The following LANCL2 variants were observed in gnomAD, a reference collection of about 807,000 sequenced individuals.
LANCL2 encodes the protein lanC-like protein 2.
In LANCL2, 33 loss-of-function variants were observed where a neutral mutation model predicts 56.9. The ratio of observed to expected loss-of-function variants is 0.58; its 90% CI spans 0.44 to 0.78. The LOEUF (loss-of-function observed/expected upper bound fraction) is 0.78, where lower values mean the gene tolerates loss of function less well. Among genes scored for constraint, LANCL2 ranks in the 30% least tolerant of loss-of-function variants. The pLI is 0.00. For synonymous variants in LANCL2, 233 were observed against 228.2 expected, an observed-to-expected ratio of 1.02 and a Z score of -0.19; for missense variants, 562 against 580.2, an observed-to-expected ratio of 0.97 and a Z score of 0.32.
chr7:55,371,540 T>G (rs918345211), intron 1 of LANCL2, among the ~76,000 whole-genome samples: 1 of 152,226 alleles, frequency 6.6e-6, no homozygotes, highest in Non-Finnish European at 1.5e-5. Context: ...TAATTTGATA[T>G]AGTAATATTT....
At chr7:55,420,532 T>G (rs1056308940) in intron 6 of LANCL2, among the ~76,000 whole-genome samples, 1 of 152,252 alleles carries the variant, frequency 6.6e-6, no homozygotes, top group Non-Finnish European at 1.5e-5. Flanking sequence ...TCAGGCATAG[T>G]GTGCTAGAAA....
At chr7:55,402,974 G>C (rs1297613009) in intron 5 of LANCL2, among the ~76,000 whole-genome samples, 1 of 150,622 alleles carries the variant, frequency 6.6e-6, no homozygotes. Flanking sequence ...CAGGCAGAGA[G>C]GCTCCTCACA....
chr7:55,370,911 T>C (rs913469397), intron 1 of LANCL2, among the ~76,000 whole-genome samples: 1 of 152,224 alleles, frequency 6.6e-6, no homozygotes, highest in African/African-American at 2.4e-5. Context: ...TTTAAAATTG[T>C]ATATTTAAGG....
intron 3 of LANCL2, among the ~76,000 whole-genome samples, chr7:55,399,004 T>G (rs1583753281): frequency 6.6e-6 from 1 of 152,338 alleles, no homozygotes; most frequent in East Asian, 1.9e-4. Context: ...GAATGTAAGC[T>G]TTTATTGCAC....
intron 2 of LANCL2, chr7:55,397,315 G>A (rs907663571): frequency 2.0e-5 from 3 of 152,034 alleles, no homozygotes; most frequent in African/African-American, 7.2e-5. Flanking sequence ...ACAAAAAATA[G>A]CCAGGCATGG....
chr7:55,425,858 C>A (rs1790658750), intron 7 of LANCL2, among the ~76,000 whole-genome samples: 4 of 152,228 alleles, frequency 2.6e-5, no homozygotes, highest in African/African-American at 9.6e-5. Flanking sequence ...CACGGCTTCC[C>A]ATTGACTGCA....
intron 1 of LANCL2, among the ~76,000 whole-genome samples, chr7:55,389,131 G>A (rs1790158019): frequency 6.6e-6 from 1 of 152,176 alleles, no homozygotes; most frequent in South Asian, 2.1e-4. Flanking sequence ...ATGTTTTTCT[G>A]CATAGGAGCC....
At chr7:55,393,279 C>A (rs1338002274) in intron 2 of LANCL2, among the ~76,000 whole-genome samples, 1 of 152,144 alleles carries the variant, frequency 6.6e-6, no homozygotes, top group African/African-American at 2.4e-5. Flanking sequence ...AGCCTGTAAT[C>A]CAAAGCACTT....
chr7:55,400,881 A>T (rs1440223602), intron 4 of LANCL2, among the ~76,000 whole-genome samples: 1 of 152,228 alleles, frequency 6.6e-6, no homozygotes, highest in Non-Finnish European at 1.5e-5. Context: ...AATCCAAAAC[A>T]GTTTTATAAG....
chr7:55,393,335 C>A (rs1790213298), intron 2 of LANCL2, among the ~76,000 whole-genome samples: 1 of 152,214 alleles, frequency 6.6e-6, no homozygotes, highest in Non-Finnish European at 1.5e-5. Context: ...GAGTTCAAGA[C>A]CAGCCTGGGC....
chr7:55,402,825 C>T (rs1319381148), intron 5 of LANCL2, among the ~76,000 whole-genome samples: 1 of 140,628 alleles, frequency 7.1e-6, no homozygotes, highest in African/African-American at 2.7e-5. Flanking sequence ...CAGAGACGCT[C>T]CTCACATCCC....
chr7:55,425,756 A>G (rs1790657287), intron 7 of LANCL2, among the ~76,000 whole-genome samples: 1 of 152,142 alleles, frequency 6.6e-6, no homozygotes. Flanking sequence ...ATTTGTACAG[A>G]CAGAAAAAAA....
chr7:55,404,584 A>T (rs1335131019), intron 5 of LANCL2, among the ~76,000 whole-genome samples: 3 of 151,950 alleles, frequency 2.0e-5, no homozygotes, highest in Non-Finnish European at 4.4e-5. Flanking sequence ...GCATATATGC[A>T]TATAGTTCAT....
intron 6 of LANCL2, among the ~76,000 whole-genome samples, chr7:55,416,170 G>A (rs546504650): frequency 3.9e-5 from 6 of 152,202 alleles, no homozygotes; most frequent in Admixed American, 1.3e-4. Context: ...ATTTTGGTGG[G>A]TATTTCATTG....
chr7:55,412,173 C>A, intron 6 of LANCL2, 84 bp downstream of exon 6: 1 of 1,263,718 alleles, frequency 7.9e-7, no homozygotes, highest in Non-Finnish European at 1.1e-6. Flanking sequence ...TTGGTAAGGC[C>A]ATTTGACTGT....
intron 6 of LANCL2, among the ~76,000 whole-genome samples, chr7:55,414,983 C>CAAAAAAAAA (rs372708498): frequency 1.6e-5 from 1 of 62,202 alleles, no homozygotes; most frequent in African/African-American, 6.3e-5. Flanking sequence ...GACCCTACCT[C>CAAAAAAAAA]AAAAAAAAAA....
intron 2 of LANCL2, among the ~76,000 whole-genome samples, chr7:55,397,656 C>CTTTTTTTTTTTTTT (rs10659615): frequency 9.2e-6 from 1 of 108,848 alleles, no homozygotes; most frequent in Non-Finnish European, 1.8e-5. Context: ...TATACTGATT[C>CTTTTTTTTTTTTTT]TTTTTTTTTT....
chr7:55,409,193 A>G (rs1387685028), intron 5 of LANCL2, among the ~76,000 whole-genome samples: 1 of 147,566 alleles, frequency 6.8e-6, no homozygotes, highest in Admixed American at 6.8e-5. Context: ...GGTTCATGCC[A>G]TTCTCCTGCC....
At chr7:55,396,383 C>T (rs115015163) in intron 2 of LANCL2, among the ~76,000 whole-genome samples, 1,856 of 152,330 alleles carry the variant, frequency 0.012, 36 homozygotes, top group African/African-American at 0.043. Context: ...TCACCGGAGC[C>T]TCTCCTGCAA....
Sources: allele counts gnomAD v4.1 joint callset (sites outside exome capture counted in the v4.1 genomes callset), GRCh38; gene constraint gnomAD v4.1.1; transcripts MANE v1.5; gene names NCBI Gene and HGNC (gene_info 2026-07-23, HGNC 2026-07-21).